The following FAM221A variants were observed in gnomAD, a reference collection of about 807,000 sequenced individuals.
The protein encoded by FAM221A is protein FAM221A.
FAM221A carries 43 observed loss-of-function variants against 37.6 expected under a neutral mutation model. The ratio of observed to expected loss-of-function variants is 1.15; its 90% CI spans 0.90 to 1.48. The LOEUF (loss-of-function observed/expected upper bound fraction) is 1.48, where lower values mean the gene tolerates loss of function less well. Ranked by LOEUF, FAM221A falls within the 40% of genes most tolerant of loss-of-function variation. FAM221A has a pLI of 0.00. For synonymous variants in FAM221A, 135 were observed against 132.9 expected, an observed-to-expected ratio of 1.02 and a Z score of -0.11; for missense variants, 361 against 361.5, an observed-to-expected ratio of 1.00 and a Z score of 0.01.
At position 23,689,280 on chromosome 7, in the gene FAM221A, A is replaced by T; in HGVS notation, c.251A>T (p.His84Leu). 1.3e-6 allele frequency: 2 copies of T among 1,540,690 alleles called. No homozygotes were observed. The highest frequency in any genetic ancestry group is 1.8e-6 in the Non-Finnish European group (2 of 1,126,610). Residue 84 changes from histidine to leucine, a missense_variant, in exon 3 of 7, where the codon CAT becomes CTT. His to Leu is a moderately conservative substitution (Grantham distance 99). Transcript: ENST00000344962. ...LCFCTHRYKQHKTDLEAIPQQ... is the reference protein window; with the variant it reads ...LCFCTHRYKQLKTDLEAIPQQ... The stretch of plus-strand genomic sequence containing the variant: ...TTCTCCTTTTTTAGGTATAAACAAC[A>T]TAAAACTGACTTGGAAGCGATTCCT...
chr7:23,701,323 T>C (rs1448761371), intron 6 of FAM221A, among the ~76,000 whole-genome samples: 1 of 145,114 alleles, frequency 6.9e-6, no homozygotes, highest in African/African-American at 2.6e-5. Flanking sequence ...CACTGCAAGC[T>C]CCGCCTCCCG....
intron 4 of FAM221A, among the ~76,000 whole-genome samples, chr7:23,695,696 C>A (rs1443891254): frequency 2.0e-5 from 3 of 152,126 alleles, no homozygotes; most frequent in Non-Finnish European, 2.9e-5. Flanking sequence ...TGGTATCATA[C>A]ATGAGATATT....
chr7:23,692,245 G>C, intron 4 of FAM221A: 4 of 900,158 alleles, frequency 4.4e-6, no homozygotes, highest in African/African-American at 3.6e-5. Context: ...CTGTCTACTT[G>C]AAACACAGGT....
intron 4 of FAM221A, 46 bp from the exon 5 acceptor site, chr7:23,698,146 T>A: frequency 1.1e-6 from 1 of 949,900 alleles, no homozygotes; most frequent in African/African-American, 1.7e-5. Flanking sequence ...CTTGTTTGTA[T>A]CCCTGTAAAT....
At chr7:23,689,004 A>T (rs747123550) in intron 2 of FAM221A, 1 of 267,808 alleles carries the variant, frequency 3.7e-6, no homozygotes, top group Non-Finnish European at 7.0e-6. Context: ...GTTTTAAGGA[A>T]ATTATATAAT....
At chr7:23,700,040 C>T (rs986409364) in intron 5 of FAM221A, among the ~76,000 whole-genome samples, 10 of 152,152 alleles carry the variant, frequency 6.6e-5, no homozygotes, top group African/African-American at 2.4e-4. Context: ...TTACTCTTCT[C>T]AATAAAACTT....
At chr7:23,696,018 A>T (rs1785037129) in intron 4 of FAM221A, among the ~76,000 whole-genome samples, 1 of 152,124 alleles carries the variant, frequency 6.6e-6, no homozygotes, top group African/African-American at 2.4e-5. Context: ...AATGATGGGG[A>T]TACATTCTGG....
At chr7:23,695,467 G>T (rs765474836) in intron 4 of FAM221A, among the ~76,000 whole-genome samples, 6 of 151,694 alleles carry the variant, frequency 4.0e-5, no homozygotes, top group African/African-American at 4.8e-5. Flanking sequence ...CTGCCTCCTG[G>T]GTTCAAGTGA....
chr7:23,694,158 CA>C (rs1784911964), intron 4 of FAM221A: 5 of 152,214 alleles, frequency 3.3e-5, no homozygotes, highest in Admixed American at 2.6e-4. Flanking sequence ...CATGTCCCTG[CA>C]AAATACATGA....
chr7:23,698,675 T>C (rs1785214372), intron 5 of FAM221A, among the ~76,000 whole-genome samples: 1 of 152,218 alleles, frequency 6.6e-6, no homozygotes, highest in South Asian at 2.1e-4. Context: ...GGTTTTATCA[T>C]TTATAAATTA....
At chr7:23,685,251 ACAAAG>A (rs1193376564) in intron 2 of FAM221A, among the ~76,000 whole-genome samples, 1,898 of 120,446 alleles carry the variant, frequency 0.016, 21 homozygotes, top group Non-Finnish European at 0.021. Flanking sequence ...CTGTCTCAAA[ACAAAG>A]CAAAACAAAA....
chr7:23,684,359 C>A (rs1483645633), intron 1 of FAM221A, 140 bp from the exon 2 acceptor site: 1 of 602,976 alleles, frequency 1.7e-6, no homozygotes, highest in Non-Finnish European at 2.8e-6. Flanking sequence ...TACAGAGACC[C>A]GGCCTGCCAC....
chr7:23,703,179 T>G (rs1485781459), downstream of FAM221A: 3 of 152,238 alleles, frequency 2.0e-5, no homozygotes, highest in African/African-American at 7.2e-5. Context: ...TCTTTTTTCC[T>G]TTTCCACTCC....
In FAM221A at chr7:23,691,556, G is replaced by C. The variant is rs151221998; in HGVS notation, c.597G>C (p.Ser199=). ...TGGGAGGATTAACTGGTTTCAGCTC[G>C]CTGGCGGAAGGCTACATGCGGTTAG... The part of the protein sequence containing the change: ...AAMGGLTGFS[S]LAEGYMRLDD... The change falls in exon 4 of 7, where the codon TCG becomes TCC. Residue 199 remains serine (S), a synonymous_variant. Transcript: ENST00000344962. 250 of 1,614,150 alleles carry C rather than the reference G, an allele frequency of 1.5e-4. No individual in the cohort carries two copies. The highest frequency in any genetic ancestry group is 1.3e-3 in the Admixed American group (77 of 60,022).
intron 2 of FAM221A, chr7:23,687,452 T>A (rs969206415): frequency 2.6e-5 from 4 of 152,192 alleles, no homozygotes; most frequent in African/African-American, 9.7e-5. Context: ...TCTTATGTCG[T>A]GTGGGTGTGT....
chr7:23,689,292 T>C lies in FAM221A; in HGVS notation c.263T>C (p.Leu88Ser). 6.4e-7 allele frequency: 1 copy of C among 1,565,324 alleles called. No homozygotes were observed. Among genetic ancestry groups the C allele is most frequent in the African/African-American group, 1.3e-5 (1 of 74,382 alleles). Reference sequence around the variant, plus strand: ...AGGTATAAACAACATAAAACTGACTTGGAAGCGATTCCTCAGCAGTGCCCC... The same window carrying C: ...AGGTATAAACAACATAAAACTGACTCGGAAGCGATTCCTCAGCAGTGCCCC... ...THRYKQHKTD[L>S]EAIPQQCPID... The change falls in exon 3 of 7, where the codon TTG becomes TCG. Residue 88 changes from leucine (L) to serine (S), a missense_variant. Leu to Ser is a moderately radical substitution (Grantham distance 145). Transcript: ENST00000344962.
At chr7:23,697,004 C>G (rs4722252) in intron 4 of FAM221A, among the ~76,000 whole-genome samples, 94,993 of 151,972 alleles carry the variant, frequency 0.63, 29,902 homozygotes, top group South Asian at 0.7. Flanking sequence ...TCCCTAAGCT[C>G]GGGGACTCAA....
At chr7:23,690,199 AT>A (rs398004023) in intron 3 of FAM221A, among the ~76,000 whole-genome samples, 317 of 48,700 alleles carry the variant, frequency 6.5e-3, no homozygotes, top group African/African-American at 0.016. Context: ...ATATATATAT[AT>A]TTTTTTTTTT....
chr7:23,681,090 A>T (rs368984271), intron 1 of FAM221A, among the ~76,000 whole-genome samples: 11 of 152,128 alleles, frequency 7.2e-5, no homozygotes, highest in African/African-American at 2.7e-4. Context: ...CCCTGCTCTG[A>T]CTGCCCTGTT....
Sources: gnomAD v4.1 joint callset for allele counts (sites outside exome capture counted in the v4.1 genomes callset) on GRCh38, gnomAD v4.1.1 for gene constraint, MANE v1.5 for transcripts, NCBI Gene and HGNC (gene_info 2026-07-23, HGNC 2026-07-21) for gene names.